The following QPCT variants were observed in gnomAD, a reference collection of about 807,000 sequenced individuals.
The protein encoded by QPCT is glutaminyl-peptide cyclotransferase.
QPCT carries 44 observed loss-of-function variants against 43.4 expected under a neutral mutation model. The ratio of observed to expected loss-of-function variants is 1.01; its 90% CI spans 0.80 to 1.30. The LOEUF (loss-of-function observed/expected upper bound fraction) is 1.30. Among genes scored for constraint, QPCT ranks in the 50% most tolerant of loss-of-function variants. The probability of loss-of-function intolerance (pLI) is 0.00; values close to 1 mark genes in which losing one functional copy is unlikely to be tolerated. For synonymous variants in QPCT, 168 were observed against 168.4 expected, an observed-to-expected ratio of 1.00 and a Z score of 0.02; for missense variants, 526 against 436.5, an observed-to-expected ratio of 1.21 and a Z score of -1.83.
rs10598967 is a variant in QPCT, at chr2:37,348,063, C to CGTGT, written c.120+3235_120+3238dup. On this transcript the variant is annotated intron_variant, in intron 1 of 6. Transcript: ENST00000338415. ...ATCTCTCTCTCTCTGCGCGCGCACG[C>CGTGT]GTGTGTGTGTGTGTGTGTGTGTGTG... Among the ~76,000 whole-genome samples, 494 of 148,486 alleles carry CGTGT rather than the reference C, an allele frequency of 3.3e-3. 1 individual carries two copies. The highest frequency in any genetic ancestry group is 0.011 in the African/African-American group (434 of 40,506).
At chr2:37,353,377 A>G (rs1335951215) in intron 2 of QPCT, among the ~76,000 whole-genome samples, 3 of 152,198 alleles carry the variant, frequency 2.0e-5, no homozygotes, top group East Asian at 3.8e-4. Flanking sequence ...GTGATAAGCT[A>G]GCCGCATTTC....
intron 1 of QPCT, among the ~76,000 whole-genome samples, chr2:37,352,357 C>T (rs2124932927): frequency 6.6e-6 from 1 of 152,234 alleles, no homozygotes; most frequent in East Asian, 1.9e-4. Flanking sequence ...GAGACAGGGT[C>T]TCCTTCTGTT....
At chr2:37,351,647 C>T (rs1016375195) in intron 1 of QPCT, among the ~76,000 whole-genome samples, 1 of 151,942 alleles carries the variant, frequency 6.6e-6, no homozygotes, top group Non-Finnish European at 1.5e-5. Flanking sequence ...TTTGGGAGGC[C>T]GAGGTGGGTG....
Position 37,344,766 on chromosome 2 carries a change from CCCTCCA to C in QPCT, c.39_44del (p.His14_Leu15del). On this transcript the variant is annotated inframe_deletion, in exon 1 of 7. Transcript: ENST00000338415. Reference sequence around the variant, plus strand: ...GGAAGACACCGGCGCGTCGTGGGCACCCTCCACCTGCTGCTGCTGGTGGCCGCCCTG... The same window carrying C: ...GGAAGACACCGGCGCGTCGTGGGCACCCTGCTGCTGCTGGTGGCCGCCCTG... 3 of 1,608,834 alleles carry C rather than the reference CCCTCCA, an allele frequency of 1.9e-6. No individual in the cohort carries two copies. The Middle Eastern group carries it at 5.0e-4, about 266-fold the overall frequency.
chr2:37,349,837 G>A (rs201333041), intron 1 of QPCT, among the ~76,000 whole-genome samples: 2 of 148,900 alleles, frequency 1.3e-5, no homozygotes, highest in East Asian at 4.0e-4. Flanking sequence ...GCAGAAAAAT[G>A]CCCATGTTAC....
At chr2:37,357,140 T>A (rs1010327782) in intron 2 of QPCT, among the ~76,000 whole-genome samples, 3 of 152,236 alleles carry the variant, frequency 2.0e-5, no homozygotes, top group Admixed American at 6.5e-5. Context: ...AATAAGTTTG[T>A]GTGTGACTTC....
intron 3 of QPCT, among the ~76,000 whole-genome samples, chr2:37,363,134 T>G (rs1209645217): frequency 6.6e-6 from 1 of 152,170 alleles, no homozygotes; most frequent in Non-Finnish European, 1.5e-5. Context: ...GGATTCTTCT[T>G]CAGACCGTGT....
intron 2 of QPCT, among the ~76,000 whole-genome samples, chr2:37,357,917 A>G (rs904387552): frequency 1.3e-5 from 2 of 152,040 alleles, no homozygotes; most frequent in African/African-American, 2.4e-5. Flanking sequence ...ATTCATTTCC[A>G]GTTATTCATT....
chr2:37,355,786 G>A (rs1231694861), intron 2 of QPCT, among the ~76,000 whole-genome samples: 1 of 152,120 alleles, frequency 6.6e-6, no homozygotes, highest in Admixed American at 6.6e-5. Context: ...AAATTAGGAT[G>A]ATAAAGTCTC....
intron 2 of QPCT, among the ~76,000 whole-genome samples, chr2:37,355,984 T>G (rs1672736158): frequency 6.6e-6 from 1 of 151,984 alleles, no homozygotes; most frequent in African/African-American, 2.4e-5. Flanking sequence ...TATGGTGCAC[T>G]CAAGAGTAAA....
chr2:37,344,911 T>C (rs529334645), intron 1 of QPCT, 60 bp downstream of exon 1: 50 of 1,488,828 alleles, frequency 3.4e-5, no homozygotes, highest in African/African-American at 5.8e-5. Context: ...CGAGGACCCC[T>C]GGCCGGGTCA....
At chr2:37,352,497 A>G (rs1042649897) in intron 1 of QPCT, among the ~76,000 whole-genome samples, 1 of 151,760 alleles carries the variant, frequency 6.6e-6, no homozygotes, top group Non-Finnish European at 1.5e-5. Flanking sequence ...ACGCCCATCT[A>G]ATTTTTTCAT....
At chr2:37,367,749 A>T (rs1394949479) in intron 4 of QPCT, among the ~76,000 whole-genome samples, 20 of 152,098 alleles carry the variant, frequency 1.3e-4, no homozygotes, top group Admixed American at 1.3e-3. Context: ...TATGCCTGTA[A>T]TCTTAGCTAC....
chr2:37,345,062 G>A (rs1672453248), intron 1 of QPCT, among the ~76,000 whole-genome samples: 1 of 152,142 alleles, frequency 6.6e-6, no homozygotes, highest in Admixed American at 6.5e-5. Context: ...TTCTGGAGAC[G>A]CCAGGGGGGC....
intron 1 of QPCT, among the ~76,000 whole-genome samples, chr2:37,350,315 T>G (rs1017555809): frequency 6.6e-6 from 1 of 152,220 alleles, no homozygotes; most frequent in Non-Finnish European, 1.5e-5. Flanking sequence ...CATGGAAGTC[T>G]TCTGACCTCT....
chr2:37,371,664 T>C (rs569799650), intron 5 of QPCT, among the ~76,000 whole-genome samples: 1 of 152,316 alleles, frequency 6.6e-6, no homozygotes, highest in South Asian at 2.1e-4. Flanking sequence ...TCTCTTGTCA[T>C]CTTGTAACAT....
intron 2 of QPCT, among the ~76,000 whole-genome samples, chr2:37,354,188 A>G (rs1672691944): frequency 6.6e-6 from 1 of 152,178 alleles, no homozygotes; most frequent in Non-Finnish European, 1.5e-5. Context: ...TGCCCAGTGT[A>G]CAGCCTCTGC....
rs114976438 is a variant in QPCT at position 37,372,568 on chromosome 2, T to G, written c.940+96T>G. 1,355 of 1,473,922 alleles carry G rather than the reference T, an allele frequency of 9.2e-4. 14 individuals carry two copies. In the African/African-American group the frequency reaches 0.017, roughly 18 times the overall value. The allele number at this position is 1,473,922 out of a possible 1,614,324, so 91.3% of individuals were successfully genotyped here. ...ATATGAGAAAGTACACAGATGATGA[T>G]GAATTATCAGCTGTCTTTATGTGGT... On this transcript the variant is annotated intron_variant, in intron 6 of 6. Transcript: ENST00000338415.
intron 2 of QPCT, among the ~76,000 whole-genome samples, chr2:37,353,893 C>G (rs188528190): frequency 2.0e-5 from 3 of 152,326 alleles, no homozygotes; most frequent in Admixed American, 6.5e-5. Flanking sequence ...ATTTCAGAGT[C>G]TCGCTCTGTC....
Sources: allele counts gnomAD v4.1 joint callset (sites outside exome capture counted in the v4.1 genomes callset), GRCh38; gene constraint gnomAD v4.1.1; transcripts MANE v1.5; gene names NCBI Gene and HGNC (gene_info 2026-07-23, HGNC 2026-07-21).